The following TJP1 variants were observed in gnomAD, a reference collection of about 807,000 sequenced individuals.
TJP1 encodes the protein tight junction protein 1, also known as tight junction protein ZO-1.
TJP1 carries 43 observed loss-of-function variants against 194.2 expected under a neutral mutation model. That is an observed-to-expected ratio of 0.22 (90% CI 0.17 to 0.29). The LOEUF (loss-of-function observed/expected upper bound fraction) is 0.29, where lower values mean the gene tolerates loss of function less well. TJP1 is among the 10% of genes least tolerant of loss of function. The pLI, the probability that TJP1 is intolerant of heterozygous loss-of-function variation, is 1.00. For missense variants in TJP1, 1,971 were observed against 2,185.7 expected (o/e 0.90, Z 1.96); for synonymous variants, 801 against 779.0 (o/e 1.03, Z -0.47).
chr15:29,728,085 C>T, intron 15 of TJP1, 66 bp from the exon 16 acceptor site: 1 of 1,314,668 alleles, frequency 7.6e-7, no homozygotes, highest in African/African-American at 1.4e-5. Context: ...AGTTTCTCAA[C>T]TACTGGCCAC....
intron 1 of TJP1, chr15:29,968,090 T>G: frequency 1.0e-6 from 1 of 985,468 alleles, no homozygotes; most frequent in African/African-American, 1.7e-5. Flanking sequence ...GGATGTTTTT[T>G]CCTCATTACC....
intron 2 of TJP1, among the ~76,000 whole-genome samples, chr15:29,829,428 A>G (rs1051892598): frequency 2.0e-5 from 3 of 152,262 alleles, no homozygotes; most frequent in East Asian, 3.9e-4. Context: ...GCATAAATAC[A>G]AAGTCACATA....
intron 2 of TJP1, among the ~76,000 whole-genome samples, chr15:29,884,803 G>A (rs900778734): frequency 1.3e-5 from 2 of 152,130 alleles, no homozygotes; most frequent in African/African-American, 4.8e-5. Flanking sequence ...AACACCACAG[G>A]AGCAGGTTAA....
At position 29,737,467 on chromosome 15, in the gene TJP1, T is replaced by C. The variant is rs2044110763; in HGVS notation, c.1257-53A>G. 1.3e-5 allele frequency: 20 copies of C among 1,592,254 alleles called. No individual in the cohort carries two copies. The Admixed American group carries it at 1.5e-4, about 12-fold the overall frequency. ...CAGTTAAGAAGAGCTTAAAACGTTA[T>C]AGCAATCACTACAGTGAAAACTATA... On this transcript the variant is annotated intron_variant, in intron 10 of 27. Coordinates refer to ENST00000614355, the MANE Select transcript of TJP1 (RefSeq NM_001330239.4).
At chr15:29,957,762 G>C (rs2056002119) in intron 1 of TJP1, among the ~76,000 whole-genome samples, 1 of 152,146 alleles carries the variant, frequency 6.6e-6, no homozygotes, top group South Asian at 2.1e-4. Flanking sequence ...ATTTAGTTAG[G>C]AAAGATTGCT....
chr15:29,821,729 C>G (rs1234267433), intron 1 of TJP1, among the ~76,000 whole-genome samples: 1 of 151,890 alleles, frequency 6.6e-6, no homozygotes, highest in Non-Finnish European at 1.5e-5. Flanking sequence ...CAGCCAGGCA[C>G]AGGCGCCGGC....
intron 8 of TJP1, among the ~76,000 whole-genome samples, chr15:29,746,139 G>A (rs1238263444): frequency 1.3e-5 from 2 of 152,260 alleles, no homozygotes; most frequent in Non-Finnish European, 2.9e-5. Flanking sequence ...AGCACTTTGG[G>A]AGGCTGAGGC....
rs571925960 is a variant in TJP1 at position 29,844,447 on chromosome 15, G to A, written c.307-43745C>T. 5.5e-4 allele frequency among the ~76,000 whole-genome samples: 83 copies of A among 152,284 alleles called. 2 individuals are homozygous for A. Among genetic ancestry groups the A allele is most frequent in the African/African-American group, 2.0e-3 (82 of 41,558 alleles). On this transcript the variant is annotated intron_variant, in intron 2 of 28. Transcript: ENST00000356107. ...AGCAAGGGTGGACACAGGCCAGTGA[G>A]GTGGCACCAGCAGTGACCCAGGGAT...
At chr15:29,943,110 A>G (rs572359630) in intron 2 of TJP1, among the ~76,000 whole-genome samples, 1 of 152,330 alleles carries the variant, frequency 6.6e-6, no homozygotes, top group East Asian at 1.9e-4. Context: ...CAAGACCACC[A>G]GCTCACCAAG....
rs539181858 is a variant in TJP1 at position 29,930,362 on chromosome 15, T to G, written c.306+25870A>C. On this transcript the variant is annotated intron_variant, in intron 2 of 28. Coordinates refer to the TJP1 transcript ENST00000356107. ...TAGAAAATACAATTTTACAAAATCT[T>G]AGGCAACACCATTGTCAAGTACAAG... Among the ~76,000 whole-genome samples, 244 of 152,318 alleles carry G rather than the reference T, an allele frequency of 1.6e-3. 3 individuals are homozygous for G. Among genetic ancestry groups the G allele is most frequent in the Admixed American group, 2.6e-3 (40 of 15,302 alleles).
chr15:29,711,064 C>T (rs1222837216), intron 23 of TJP1, 64 bp from the exon 24 acceptor site: 2 of 1,474,942 alleles, frequency 1.4e-6, no homozygotes, highest in East Asian at 2.3e-5. Context: ...AACAAGTTCT[C>T]ATTTCTCCAT....
chr15:29,809,765 G>A (rs1271482278), intron 1 of TJP1, among the ~76,000 whole-genome samples: 1 of 151,946 alleles, frequency 6.6e-6, no homozygotes, highest in South Asian at 2.1e-4. Context: ...AGAATCCCTT[G>A]AACCAGGGAG....
At chr15:29,780,180 G>A (rs1476426604) in intron 2 of TJP1, among the ~76,000 whole-genome samples, 2 of 151,978 alleles carry the variant, frequency 1.3e-5, no homozygotes, top group Non-Finnish European at 2.9e-5. Flanking sequence ...CATTTATTGT[G>A]TACTTTATTT....
intron 1 of TJP1, among the ~76,000 whole-genome samples, chr15:29,806,496 T>C (rs1350141130): frequency 3.3e-5 from 5 of 152,148 alleles, no homozygotes; most frequent in Admixed American, 3.3e-4. Flanking sequence ...AAACCAATAG[T>C]AAAGGTATTA....
intron 2 of TJP1, among the ~76,000 whole-genome samples, chr15:29,915,328 T>C (rs1350255487): frequency 6.6e-6 from 1 of 152,098 alleles, no homozygotes; most frequent in Non-Finnish European, 1.5e-5. Context: ...ATCATTTTTT[T>C]TGAGATTCTG....
chr15:29,720,720 AAAAGT>A lies in TJP1; in HGVS notation c.2413-17_2413-13del, dbSNP rs150045665. 4.5e-6 allele frequency: 7 copies of A among 1,562,298 alleles called. No homozygotes were observed. The African/African-American group carries it at 9.6e-5, about 21-fold the overall frequency. ...GTAGCACCATCCGCCTGGGTCAAAT[AAAAGT>A]AAATTACAAATTTTATTCAGTAGTT... On this transcript the variant is annotated splice_polypyrimidine_tract_variant and intron_variant, in intron 18 of 27. Transcript: ENST00000614355.
At chr15:29,742,545 G>C (rs16955726) in intron 9 of TJP1, 97 bp downstream of exon 9, 2 of 1,346,704 alleles carry the variant, frequency 1.5e-6, no homozygotes, top group Non-Finnish European at 2.0e-6. Flanking sequence ...CACATGAGAA[G>C]AATAATAATT....
chr15:29,715,023 A>G (rs1595590153), intron 23 of TJP1, among the ~76,000 whole-genome samples: 1 of 152,256 alleles, frequency 6.6e-6, no homozygotes, highest in South Asian at 2.1e-4. Flanking sequence ...CCTATGGCTC[A>G]GTGCCTAGCT....
chr15:29,833,783 G>A (rs944183765), intron 2 of TJP1, among the ~76,000 whole-genome samples: 1 of 139,568 alleles, frequency 7.2e-6, no homozygotes, highest in African/African-American at 2.7e-5. Flanking sequence ...CTCACACAAC[G>A]CCACCCACAT....
Sources: gnomAD v4.1 joint callset for allele counts (sites outside exome capture counted in the v4.1 genomes callset) on GRCh38, gnomAD v4.1.1 for gene constraint, MANE v1.5 for transcripts, NCBI Gene and HGNC (gene_info 2026-07-23, HGNC 2026-07-21) for gene names.